KCNMA1: variants seen among roughly 807,000 people sequenced by gnomAD.
The protein encoded by KCNMA1 is Calcium-activated potassium channel subunit alpha-1.
KCNMA1 carries 29 observed loss-of-function variants against 140.0 expected under a neutral mutation model. The observed-to-expected ratio is 0.21, with a 90% CI of 0.15 to 0.28. The LOEUF is 0.28. Ranked by LOEUF, KCNMA1 falls within the 10% of genes least tolerant of loss-of-function variation. The pLI, the probability that KCNMA1 is intolerant of heterozygous loss-of-function variation, is 1.00. For missense variants in KCNMA1, 880 were observed against 1,602.2 expected, an observed-to-expected ratio of 0.55 and a Z score of 7.70; for synonymous variants, 612 against 611.9, an observed-to-expected ratio of 1.00 and a Z score of 0.00.
intron 5 of KCNMA1, among the ~76,000 whole-genome samples, chr10:77,135,340 G>A (rs1369265716): frequency 6.6e-6 from 1 of 152,160 alleles, no homozygotes; most frequent in Non-Finnish European, 1.5e-5. Context: ...AAGACAAAAG[G>A]TTAAGTGTTG....
At chr10:77,563,200 A>G (rs2066977988) in intron 1 of KCNMA1, among the ~76,000 whole-genome samples, 1 of 152,180 alleles carries the variant, frequency 6.6e-6, no homozygotes, top group South Asian at 2.1e-4. Flanking sequence ...TAGCACTAAT[A>G]GTGTTCACAG....
chr10:77,161,290 C>G (rs1482735764), intron 5 of KCNMA1, among the ~76,000 whole-genome samples: 1 of 152,160 alleles, frequency 6.6e-6, no homozygotes, highest in African/African-American at 2.4e-5. Context: ...GTTTGTCACC[C>G]AGGCTGGGGT....
chr10:77,376,767 A>G (rs1479327892), intron 2 of KCNMA1, among the ~76,000 whole-genome samples: 1 of 151,882 alleles, frequency 6.6e-6, no homozygotes, highest in Non-Finnish European at 1.5e-5. Context: ...GTGAAACCCC[A>G]TCTCTACTAA....
chr10:77,141,553 C>G (rs776809857), intron 5 of KCNMA1, among the ~76,000 whole-genome samples: 48 of 152,292 alleles, frequency 3.2e-4, no homozygotes, highest in Non-Finnish European at 5.6e-4. Flanking sequence ...CAGAACCTGA[C>G]CATGCTGGAA....
At chr10:77,429,044 AATATATAG>A (rs372138335) in intron 1 of KCNMA1, among the ~76,000 whole-genome samples, 19 of 152,322 alleles carry the variant, frequency 1.2e-4, no homozygotes, top group African/African-American at 4.6e-4. Context: ...GTGGTAAATG[AATATATAG>A]ATATATAGAT....
chr10:77,471,468 C>T (rs554638351), intron 1 of KCNMA1, among the ~76,000 whole-genome samples: 90 of 151,146 alleles, frequency 6.0e-4, no homozygotes, highest in African/African-American at 2.1e-3. Flanking sequence ...GCACCACACA[C>T]GTAACACAAT....
intron 2 of KCNMA1, among the ~76,000 whole-genome samples, chr10:77,258,097 G>A (rs576527477): frequency 3.9e-4 from 59 of 152,280 alleles, no homozygotes; most frequent in African/African-American, 1.3e-3. Flanking sequence ...CTGGGTCTAA[G>A]TTTCCCAATC....
intron 9 of KCNMA1, 185 bp from the exon 10 acceptor site, chr10:77,090,695 C>G: frequency 1.6e-6 from 1 of 619,224 alleles, no homozygotes; most frequent in South Asian, 1.9e-5. Flanking sequence ...CTAGCAGGTG[C>G]TGAGACTCCT....
rs753936554 is a variant in KCNMA1 at position 77,637,346 on chromosome 10, G to A, written c.297C>T (p.Phe99=). 6.2e-7 allele frequency: 1 copy of A among 1,613,962 alleles called. No homozygotes were observed. The highest frequency in any genetic ancestry group is 8.5e-7 in the Non-Finnish European group (1 of 1,179,956). The change falls in exon 1 of 28, where the codon TTC becomes TTT. Residue 99 remains phenylalanine (F), a synonymous_variant. Coordinates refer to ENST00000286628, the MANE Select transcript of KCNMA1 (RefSeq NM_001161352.2). ...AFLASSMVTF[F]GGLFIILLWR... ...AGAGCAAGATGATGAAGAGGCCCCC[G>A]AAGAAAGTCACCATGGAGGAGGCCA...
intron 2 of KCNMA1, among the ~76,000 whole-genome samples, chr10:77,368,470 T>C (rs1175701350): frequency 6.6e-6 from 1 of 152,238 alleles, no homozygotes; most frequent in Admixed American, 6.5e-5. Context: ...GATTTTTAAG[T>C]ATTCTCTCCC....
intron 23 of KCNMA1, among the ~76,000 whole-genome samples, chr10:76,931,462 T>C (rs2059254218): frequency 6.6e-6 from 1 of 151,726 alleles, no homozygotes; most frequent in Admixed American, 6.6e-5. Flanking sequence ...CCTTTCCCAG[T>C]TGAGAACTAA....
At chr10:76,877,682 C>A, downstream of KCNMA1, 1 of 1,508,514 alleles carries the variant, frequency 6.6e-7, no homozygotes, top group Non-Finnish European at 9.0e-7. Flanking sequence ...AGAAAAGTCA[C>A]ATCACCATTT....
chr10:77,324,389 G>A (rs1453609811), intron 2 of KCNMA1, among the ~76,000 whole-genome samples: 2 of 152,104 alleles, frequency 1.3e-5, no homozygotes, highest in African/African-American at 4.8e-5. Context: ...AAAGTACCCA[G>A]TACCAAGCCT....
At chr10:77,613,648 T>C (rs1290511348) in intron 1 of KCNMA1, among the ~76,000 whole-genome samples, 2 of 152,198 alleles carry the variant, frequency 1.3e-5, no homozygotes, top group African/African-American at 2.4e-5. Context: ...CAGCTAAAAC[T>C]ATAATCACTC....
chr10:77,547,425 A>G (rs1241714603), intron 1 of KCNMA1, among the ~76,000 whole-genome samples: 1 of 152,124 alleles, frequency 6.6e-6, no homozygotes. Flanking sequence ...CTCGCCTTTC[A>G]TTTTTCTTGG....
chr10:77,624,876 C>T (rs2092237877), intron 1 of KCNMA1, among the ~76,000 whole-genome samples: 1 of 151,958 alleles, frequency 6.6e-6, no homozygotes, highest in Non-Finnish European at 1.5e-5. Flanking sequence ...GCAGGGCCTA[C>T]ATCAAAGTCA....
At chr10:76,897,396 T>C (rs1478687732) in intron 25 of KCNMA1, among the ~76,000 whole-genome samples, 1 of 151,798 alleles carries the variant, frequency 6.6e-6, no homozygotes, top group African/African-American at 2.4e-5. Context: ...AACAATGCTG[T>C]AAGAAATACA....
intron 2 of KCNMA1, among the ~76,000 whole-genome samples, chr10:77,258,983 T>C (rs1415628187): frequency 1.3e-5 from 2 of 152,030 alleles, no homozygotes; most frequent in African/African-American, 2.4e-5. Flanking sequence ...ATATATAATA[T>C]ATAATCTTGC....
chr10:77,350,730 G>A (rs1338041674), intron 2 of KCNMA1: 1 of 152,282 alleles, frequency 6.6e-6, no homozygotes, highest in Non-Finnish European at 1.5e-5. Context: ...TCATATGGGG[G>A]TGGGGAGGGT....
Sources: gnomAD v4.1 joint callset for allele counts (sites outside exome capture counted in the v4.1 genomes callset) on GRCh38, gnomAD v4.1.1 for gene constraint, MANE v1.5 for transcripts, NCBI Gene and HGNC (gene_info 2026-07-23, HGNC 2026-07-21) for gene names.